Variants in LRP12 observed in about 807,000 individuals in gnomAD.
LRP12 encodes LDL receptor related protein 12, also known as low-density lipoprotein receptor-related protein 12.
LRP12 carries 14 observed loss-of-function variants against 66.0 expected under a neutral mutation model. That is an observed-to-expected ratio of 0.21 (90% CI 0.14 to 0.33). The LOEUF is 0.33. Among genes scored for constraint, LRP12 ranks in the 10% least tolerant of loss-of-function variants. LRP12 has a pLI of 1.00. For synonymous variants in LRP12, 357 were observed against 359.1 expected (o/e 0.99, Z 0.07); for missense variants, 889 against 1,053.4 (o/e 0.84, Z 2.16).
Position 104,509,063 on chromosome 8 carries a change from T to A in LRP12, c.148A>T (p.Thr50Ser), listed in dbSNP as rs1810951938. The change falls in exon 3 of 7, where the codon ACT (threonine) becomes TCT (serine). Residue 50 changes from threonine (T) to serine (S), a missense_variant. By Grantham distance (58) the Thr-to-Ser change is moderately conservative (BLOSUM62 1). This residue lies in a region of LRP12 where 88 missense variants were observed against 72.5 expected (regional missense o/e 1.21). Coordinates refer to ENST00000276654, the MANE Select transcript of LRP12 (RefSeq NM_013437.5). ...ISGVSTACGE[T>S]PEQIRAPSGI... ...CTTGGTGCTCGTATTTGCTCTGGAG[T>A]CTCTCCACAAGCTGGAAGATAGCCA... 1.2e-6 allele frequency: 2 copies of A among 1,612,934 alleles called. No homozygotes were observed.
intron 2 of LRP12, among the ~76,000 whole-genome samples, chr8:104,524,274 T>G (rs1811196409): frequency 6.6e-6 from 1 of 151,720 alleles, no homozygotes; most frequent in Admixed American, 6.6e-5. Flanking sequence ...AATACAGTAT[T>G]TAATACATAT....
chr8:104,547,606 T>C (rs1337739781), intron 1 of LRP12, among the ~76,000 whole-genome samples: 1 of 122,728 alleles, frequency 8.1e-6, no homozygotes, highest in Admixed American at 9.1e-5. Context: ...TAATAATTAT[T>C]AATATATAAT....
intron 1 of LRP12, among the ~76,000 whole-genome samples, chr8:104,564,075 T>G (rs1392939307): frequency 6.6e-6 from 1 of 152,204 alleles, no homozygotes; most frequent in Non-Finnish European, 1.5e-5. Context: ...GATACTATAC[T>G]ATATTGTAAC....
chr8:104,516,057 A>T (rs1425499316), intron 2 of LRP12, among the ~76,000 whole-genome samples: 2 of 152,110 alleles, frequency 1.3e-5, no homozygotes, highest in African/African-American at 4.8e-5. Context: ...CCCAGCCAGT[A>T]TCAACTTTTT....
chr8:104,561,869 C>T (rs1241093709), intron 1 of LRP12, among the ~76,000 whole-genome samples: 2 of 152,080 alleles, frequency 1.3e-5, no homozygotes, highest in African/African-American at 4.8e-5. Flanking sequence ...CCTGGTTTCG[C>T]TTGTACTTTC....
At chr8:104,587,483 T>C (rs1437543050) in intron 1 of LRP12, among the ~76,000 whole-genome samples, 3 of 152,070 alleles carry the variant, frequency 2.0e-5, no homozygotes. Flanking sequence ...TACCCCTACA[T>C]AAAAAATGGA....
chr8:104,548,439 T>C (rs1248427815), intron 1 of LRP12, among the ~76,000 whole-genome samples: 1 of 110,836 alleles, frequency 9.0e-6, no homozygotes, highest in Non-Finnish European at 1.6e-5. Flanking sequence ...TATATAATTC[T>C]ATATTATATT....
intron 2 of LRP12, among the ~76,000 whole-genome samples, chr8:104,519,993 G>C (rs1480212542): frequency 6.6e-6 from 1 of 151,162 alleles, no homozygotes; most frequent in African/African-American, 2.4e-5. Flanking sequence ...ATAATCAAGG[G>C]TTATATGGCA....
chr8:104,495,640 T>C (rs963435487), intron 5 of LRP12: 1 of 153,970 alleles, frequency 6.5e-6, no homozygotes, highest in African/African-American at 2.4e-5. Flanking sequence ...AAAGATGCAG[T>C]GGTCGGGCGC....
intron 2 of LRP12, among the ~76,000 whole-genome samples, chr8:104,520,015 T>C (rs933131725): frequency 6.7e-6 from 1 of 149,280 alleles, no homozygotes; most frequent in African/African-American, 2.5e-5. Context: ...TAAAATAAAA[T>C]ACAAAGTCAG....
intron 2 of LRP12, among the ~76,000 whole-genome samples, chr8:104,527,090 G>A (rs1204260350): frequency 2.2e-3 from 332 of 150,994 alleles, no homozygotes; most frequent in Middle Eastern, 0.01. Flanking sequence ...AATGCTCACC[G>A]TCACTGGCCA....
intron 1 of LRP12, among the ~76,000 whole-genome samples, chr8:104,579,191 C>T (rs1236716057): frequency 2.0e-5 from 3 of 152,094 alleles, no homozygotes; most frequent in Admixed American, 6.5e-5. Flanking sequence ...CCCATAGTCT[C>T]GGGCCCAAAG....
intron 1 of LRP12, among the ~76,000 whole-genome samples, chr8:104,546,295 TTTGA>T (rs1811555357): frequency 6.6e-6 from 1 of 152,122 alleles, no homozygotes. Context: ...ACTTCAAGGG[TTTGA>T]TAAGTGCGAA....
In LRP12 at chr8:104,547,337, T is replaced by C. The variant is rs1303860997; in HGVS notation, c.80-15374A>G. Among the ~76,000 whole-genome samples, 10 of 134,882 alleles carry C rather than the reference T, an allele frequency of 7.4e-5. No homozygotes were observed. The South Asian group carries it at 2.4e-3, about 32-fold the overall frequency. The allele number at this position is 134,882 out of a possible 152,430, so 88.5% of individuals were successfully genotyped here. A position where few individuals can be genotyped will look rare whatever the true frequency, so the allele number is the denominator to read the frequency against. The stretch of plus-strand genomic sequence containing the variant: ...CAATTCTGTTATATTTTGTATATAA[T>C]ATACAATTCTGTTATATTTTGTATA... On this transcript the variant is annotated intron_variant, in intron 1 of 6. Transcript: ENST00000276654.
At chr8:104,512,012 T>G (rs969662610) in intron 2 of LRP12, among the ~76,000 whole-genome samples, 14 of 152,308 alleles carry the variant, frequency 9.2e-5, no homozygotes, top group East Asian at 3.9e-4. Context: ...ATGTAATTCT[T>G]TAAGAGTTTA....
rs148561005 is a variant in LRP12, at chr8:104,533,742, T to C, written c.80-1779A>G. Among the ~76,000 whole-genome samples, 354 of 152,068 alleles carry C rather than the reference T, an allele frequency of 2.3e-3. 1 individual carries two copies. Among genetic ancestry groups the C allele is most frequent in the African/African-American group, 8.1e-3 (335 of 41,538 alleles). On this transcript the variant is annotated intron_variant, in intron 1 of 6. Transcript: ENST00000276654. ...TGTTGCCCAGGCTGGACTAGAACTC[T>C]TGGGCTCAAGCAATCCTCCTACCTT...
chr8:104,568,238 C>A (rs1293523762), intron 1 of LRP12, among the ~76,000 whole-genome samples: 1 of 152,058 alleles, frequency 6.6e-6, no homozygotes, highest in Non-Finnish European at 1.5e-5. Flanking sequence ...ATGAATTTGA[C>A]CCCTACCTCA....
chr8:104,530,524 A>G (rs1588493827), intron 2 of LRP12, among the ~76,000 whole-genome samples: 1 of 152,184 alleles, frequency 6.6e-6, no homozygotes, highest in South Asian at 2.1e-4. Context: ...CCAGGGACCA[A>G]CCCTGCCAGC....
At chr8:104,588,620 C>T (rs1305953636) in intron 1 of LRP12, among the ~76,000 whole-genome samples, 199 bp downstream of exon 1, 1 of 152,148 alleles carries the variant, frequency 6.6e-6, no homozygotes, top group Admixed American at 6.5e-5. Flanking sequence ...ACCCGAGGGT[C>T]TGGAGGTGGA....
Sources: gnomAD v4.1 joint callset for allele counts (sites outside exome capture counted in the v4.1 genomes callset) on GRCh38, gnomAD v4.1.1 for gene constraint, gnomAD v4.1.1 regional missense constraint, MANE v1.5 for transcripts, NCBI Gene and HGNC (gene_info 2026-07-23, HGNC 2026-07-21) for gene names.